The following SMYD3 variants were observed in gnomAD, a reference collection of about 807,000 sequenced individuals.
SMYD3 encodes SET and MYND domain containing 3, also known as histone-lysine N-methyltransferase SMYD3.
A neutral mutation model predicts 57.7 loss-of-function variants in SMYD3; 36 were observed. That is an observed-to-expected ratio of 0.62 (90% CI 0.48 to 0.82). The LOEUF (loss-of-function observed/expected upper bound fraction) is 0.82, where lower values mean the gene tolerates loss of function less well. Among genes scored for constraint, SMYD3 ranks in the 40% least tolerant of loss-of-function variants. The probability of loss-of-function intolerance (pLI) is 0.00; values close to 1 mark genes in which losing one functional copy is unlikely to be tolerated. For missense variants in SMYD3, 515 were observed against 538.8 expected, an observed-to-expected ratio of 0.96 and a Z score of 0.44; for synonymous variants, 211 against 195.0, an observed-to-expected ratio of 1.08 and a Z score of -0.68.
At chr1:246,107,101 C>CATCCTGGCT (rs779661159) in intron 5 of SMYD3, among the ~76,000 whole-genome samples, 21 of 117,902 alleles carry the variant, frequency 1.8e-4, no homozygotes, top group East Asian at 1.1e-3. Context: ...AGATCGAGAC[C>CATCCTGGCT]ACGGTGAAAC....
At chr1:245,873,923 G>A (rs561661785) in intron 8 of SMYD3, among the ~76,000 whole-genome samples, 2 of 152,304 alleles carry the variant, frequency 1.3e-5, no homozygotes, top group African/African-American at 4.8e-5. Context: ...TCCTGGCTCC[G>A]CTTGCCCAGG....
At chr1:246,320,870 T>C (rs183719300) in intron 5 of SMYD3, among the ~76,000 whole-genome samples, 2 of 152,224 alleles carry the variant, frequency 1.3e-5, no homozygotes, top group Admixed American at 6.5e-5. Context: ...ATACATTCCA[T>C]GGCGTTTCAA....
chr1:245,906,082 G>A (rs1052692888), intron 8 of SMYD3, among the ~76,000 whole-genome samples: 2 of 152,148 alleles, frequency 1.3e-5, no homozygotes, highest in Non-Finnish European at 2.9e-5. Flanking sequence ...CACTGGGCTG[G>A]GCAAAGATAT....
intron 1 of SMYD3, among the ~76,000 whole-genome samples, chr1:246,470,582 A>C (rs542388785): frequency 6.7e-6 from 1 of 150,144 alleles, no homozygotes; most frequent in Non-Finnish European, 1.5e-5. Flanking sequence ...ATATATACAC[A>C]CACACTATAC....
At chr1:246,046,987 T>C (rs987520430) in intron 5 of SMYD3, among the ~76,000 whole-genome samples, 6 of 152,198 alleles carry the variant, frequency 3.9e-5, no homozygotes, top group South Asian at 2.1e-4. Flanking sequence ...GAAAATATTA[T>C]TGAAAGATAT....
In SMYD3 at chr1:246,278,440, T is replaced by A. The variant is rs533519260; in HGVS notation, c.531+48761A>T. ...GCCAATTACATTTCATAAAACTCCA[T>A]CTTGCCATCAGATCTTCACTAGAAG... is the stretch of plus-strand genomic sequence containing the variant. On this transcript the variant is annotated intron_variant, in intron 5 of 11. Transcript: ENST00000490107. 2.0e-4 allele frequency among the ~76,000 whole-genome samples: 30 copies of A among 152,192 alleles called. No individual in the cohort carries two copies. The South Asian group carries it at 5.2e-3, about 26-fold the overall frequency.
At chr1:246,257,189 GTTTAC>G (rs893312182) in intron 5 of SMYD3, among the ~76,000 whole-genome samples, 3 of 152,170 alleles carry the variant, frequency 2.0e-5, no homozygotes, top group Non-Finnish European at 4.4e-5. Flanking sequence ...TTGGTCAAGT[GTTTAC>G]TTTAAGTCCA....
intron 10 of SMYD3, among the ~76,000 whole-genome samples, chr1:245,769,330 C>A (rs4593788): frequency 0.091 from 13,786 of 152,192 alleles, 744 homozygotes; most frequent in Admixed American, 0.16. Context: ...CACCCCTCAA[C>A]GATCCTTGTG....
chr1:246,287,888 C>T (rs1006566471), intron 5 of SMYD3, among the ~76,000 whole-genome samples: 1 of 151,996 alleles, frequency 6.6e-6, no homozygotes, highest in Non-Finnish European at 1.5e-5. Flanking sequence ...AAAATGAGGG[C>T]TGAAAACGGA....
At chr1:246,364,207 C>T (rs1203007886) in intron 1 of SMYD3, among the ~76,000 whole-genome samples, 3 of 132,628 alleles carry the variant, frequency 2.3e-5, no homozygotes, top group Non-Finnish European at 4.7e-5. Context: ...GTAATAAATG[C>T]GTGTGGTTGT....
intron 10 of SMYD3, among the ~76,000 whole-genome samples, chr1:245,765,211 C>A (rs1572273275): frequency 2.2e-5 from 3 of 137,142 alleles, no homozygotes; most frequent in Admixed American, 7.5e-5. Context: ...CAAGGCAAAA[C>A]CCTTTCTCTA....
chr1:245,836,323 T>A (rs2050104776), intron 10 of SMYD3, among the ~76,000 whole-genome samples: 1 of 152,190 alleles, frequency 6.6e-6, no homozygotes, highest in African/African-American at 2.4e-5. Flanking sequence ...AAAACCCGCA[T>A]CCCTGTGCTC....
At chr1:245,970,485 T>G (rs1261002300) in intron 5 of SMYD3, among the ~76,000 whole-genome samples, 1 of 152,110 alleles carries the variant, frequency 6.6e-6, no homozygotes, top group African/African-American at 2.4e-5. Context: ...CTAAAGAGCT[T>G]CTGCACAGCA....
At chr1:245,998,833 C>T (rs1435094783) in intron 5 of SMYD3, among the ~76,000 whole-genome samples, 1 of 152,092 alleles carries the variant, frequency 6.6e-6, no homozygotes. Context: ...GAAAGGAATT[C>T]TAATAATGCT....
chr1:246,107,922 AAC>A (rs973508885), intron 5 of SMYD3, among the ~76,000 whole-genome samples: 4 of 152,224 alleles, frequency 2.6e-5, no homozygotes, highest in African/African-American at 9.6e-5. Context: ...AAGAAGAAAA[AAC>A]ACACATGTAT....
chr1:245,756,641 C>T (rs188149421), intron 11 of SMYD3, among the ~76,000 whole-genome samples: 29 of 152,112 alleles, frequency 1.9e-4, no homozygotes, highest in African/African-American at 6.3e-4. Context: ...ATTCTAAGGG[C>T]AACCCAAGCT....
At chr1:246,019,888 T>A (rs2059440920) in intron 5 of SMYD3, among the ~76,000 whole-genome samples, 1 of 152,294 alleles carries the variant, frequency 6.6e-6, no homozygotes. Flanking sequence ...AGAAAATACA[T>A]ATATAGCAGC....
intron 5 of SMYD3, among the ~76,000 whole-genome samples, chr1:246,260,096 CT>C (rs1348416073): frequency 4.6e-5 from 7 of 152,158 alleles, no homozygotes; most frequent in African/African-American, 1.7e-4. Flanking sequence ...GAGAGTCCCC[CT>C]ATATGAGGAT....
intron 1 of SMYD3, among the ~76,000 whole-genome samples, chr1:246,502,407 C>T (rs1262985972): frequency 1.3e-5 from 2 of 152,164 alleles, no homozygotes; most frequent in African/African-American, 4.8e-5. Context: ...GCTGGGACTA[C>T]AGGCATGAGC....
Sources: allele counts gnomAD v4.1 joint callset (sites outside exome capture counted in the v4.1 genomes callset), GRCh38; gene constraint gnomAD v4.1.1; transcripts MANE v1.5; gene names NCBI Gene and HGNC (gene_info 2026-07-23, HGNC 2026-07-21).